Variants in PIWIL2 observed in about 807,000 individuals in gnomAD.
The protein encoded by PIWIL2 is piwi-like protein 2.
Under a neutral mutation model 116.5 loss-of-function variants are expected in PIWIL2, and 81 were observed. That is an observed-to-expected ratio of 0.70 (90% CI 0.58 to 0.84). The LOEUF (loss-of-function observed/expected upper bound fraction) is 0.84, where lower values mean the gene tolerates loss of function less well. Among genes scored for constraint, PIWIL2 ranks in the 40% least tolerant of loss-of-function variants. The probability of loss-of-function intolerance (pLI) is 0.00; values close to 1 mark genes in which losing one functional copy is unlikely to be tolerated. For synonymous variants in PIWIL2, 489 were observed against 429.5 expected, an observed-to-expected ratio of 1.14 and a Z score of -1.71; for missense variants, 1,272 against 1,212.3, an observed-to-expected ratio of 1.05 and a Z score of -0.73.
In PIWIL2 at chr8:22,300,897, A is replaced by G. The variant is rs757396208; in HGVS notation, c.1182-3124A>G. ...AATTCATTACATATAAGAAGTACAGATACTTTATCAGGTGAATGATATGCA... is the reference window on the plus strand; with the variant it reads ...AATTCATTACATATAAGAAGTACAGGTACTTTATCAGGTGAATGATATGCA... On this transcript the variant is annotated intron_variant, in intron 10 of 22. Coordinates refer to ENST00000356766, the MANE Select transcript of PIWIL2 (RefSeq NM_018068.5). Among the ~76,000 whole-genome samples the G allele has an allele frequency of 2.2e-4, 33 of 152,176 alleles. 1 individual carries two copies. Among genetic ancestry groups the G allele is most frequent in the Non-Finnish European group, 4.4e-4 (30 of 68,030 alleles).
At chr8:22,327,414 C>A (rs1394619587) in intron 20 of PIWIL2, among the ~76,000 whole-genome samples, 1 of 147,472 alleles carries the variant, frequency 6.8e-6, no homozygotes, top group Non-Finnish European at 1.5e-5. Flanking sequence ...GTTGCCCAGG[C>A]TGGAGTGCAA....
rs1367270482 is a variant in PIWIL2, at chr8:22,308,011, A to G, written c.1624A>G (p.Asn542Asp). ...LECLLQRIAK[N>D]EAATNELMRW... The stretch of plus-strand genomic sequence containing the variant: ...ATGCTTGCTGCAAAGAATTGCAAAG[A>G]ACGAGGCAGCCACCAATGAACTGAT... Residue 542 changes from asparagine to aspartate, a missense_variant, in exon 14 of 23, where the codon AAC becomes GAC. Physicochemically the swap from Asn to Asp is conservative, Grantham distance 23 (BLOSUM62 1). Transcript: ENST00000356766. The G allele has an allele frequency of 3.1e-6, 5 of 1,613,910 alleles. No individual in the cohort carries two copies. The highest frequency in any genetic ancestry group is 1.3e-5 in the African/African-American group (1 of 74,930).
intron 20 of PIWIL2, chr8:22,321,736 A>G (rs1831604310): frequency 4.3e-6 from 1 of 231,692 alleles, no homozygotes; most frequent in South Asian, 1.6e-4. Context: ...GATTTTGATC[A>G]TGCCTCTCCC....
At chr8:22,285,944 C>T (rs1300364519) in intron 6 of PIWIL2, among the ~76,000 whole-genome samples, 2 of 152,248 alleles carry the variant, frequency 1.3e-5, no homozygotes, top group South Asian at 2.1e-4. Flanking sequence ...CATGCCTGGC[C>T]AGAAACTTCT....
rs760034167 is a variant in PIWIL2, at chr8:22,290,338, G to C, written c.1173G>C (p.Leu391=). The C allele has an allele frequency of 1.3e-6, 2 of 1,590,776 alleles. No homozygotes were observed. Among genetic ancestry groups the C allele is most frequent in the East Asian group, 2.2e-5 (1 of 44,552 alleles). ...AGGTCATTCGGAATGACTGTGTGCT[G>C]GATGTCATGTGAGTGAATGGTGGGG... is the stretch of plus-strand genomic sequence containing the variant. ...SHKVIRNDCV[L]DVMHAIYQQN... is the part of the protein sequence containing the mutation. Residue 391 remains leucine (L), a synonymous_variant, in exon 10 of 23, where the codon CTG becomes CTC. Coordinates refer to ENST00000356766, the MANE Select transcript of PIWIL2 (RefSeq NM_018068.5).
At chr8:22,303,920 A>G in intron 10 of PIWIL2, 101 bp from the exon 11 acceptor site, 2 of 695,498 alleles carry the variant, frequency 2.9e-6, no homozygotes, top group Non-Finnish European at 4.8e-6. Context: ...TTCTGGTGCT[A>G]TATAGCTGTG....
At chr8:22,342,595 C>A (rs1439870216) in intron 20 of PIWIL2, among the ~76,000 whole-genome samples, 1 of 152,164 alleles carries the variant, frequency 6.6e-6, no homozygotes, top group Non-Finnish European at 1.5e-5. Context: ...TATGCATAGA[C>A]CATACACGTT....
rs1022372070 is a variant in PIWIL2 at position 22,355,657 on chromosome 8, A to T, written c.*152A>T. 5 of 704,492 alleles carry T rather than the reference A, an allele frequency of 7.1e-6. No individual in the cohort carries two copies. In the African/African-American group the frequency reaches 8.9e-5, roughly 13 times the overall value. 43.6% of individuals were successfully genotyped at this position (704,492 alleles called of 1,614,324 possible). A position where few individuals can be genotyped will look rare whatever the true frequency, so the allele number is the denominator to read the frequency against. ...GAATAAGATTTCTTTCTTGTCTTTT[A>T]AACCTAATATCACCAAGAAGCAAGT... On this transcript the variant is annotated 3_prime_UTR_variant, in exon 23 of 23. Coordinates refer to ENST00000356766, the MANE Select transcript of PIWIL2 (RefSeq NM_018068.5).
At chr8:22,300,084 G>A (rs1831010327) in intron 10 of PIWIL2, among the ~76,000 whole-genome samples, 1 of 151,822 alleles carries the variant, frequency 6.6e-6, no homozygotes, top group South Asian at 2.1e-4. Context: ...CTGCCACCAC[G>A]CCCAGCTATA....
At chr8:22,302,690 A>G (rs755479922) in intron 10 of PIWIL2, among the ~76,000 whole-genome samples, 4 of 152,208 alleles carry the variant, frequency 2.6e-5, no homozygotes, top group Non-Finnish European at 4.4e-5. Flanking sequence ...CCATGACTCC[A>G]TAAGGCTTCC....
At chr8:22,320,840 C>T (rs1285599197) in intron 20 of PIWIL2, among the ~76,000 whole-genome samples, 6 of 151,462 alleles carry the variant, frequency 4.0e-5, no homozygotes, top group Non-Finnish European at 8.8e-5. Flanking sequence ...TGATCCACCC[C>T]CCTCAGCCTC....
At chr8:22,334,837 A>G (rs1469124996) in intron 20 of PIWIL2, among the ~76,000 whole-genome samples, 4 of 152,122 alleles carry the variant, frequency 2.6e-5, no homozygotes, top group African/African-American at 9.7e-5. Flanking sequence ...CAGGCAGATC[A>G]TGAGGTCAGG....
rs568667337 is a variant in PIWIL2 at position 22,317,643 on chromosome 8, T to A, written c.2298-527T>A. Among the ~76,000 whole-genome samples, 26 of 152,008 alleles carry A rather than the reference T, an allele frequency of 1.7e-4. No individual in the cohort carries two copies. In the South Asian group the frequency reaches 2.1e-3, roughly 12 times the overall value. ...GAAATATCCACAATTACACTTTTTT[T>A]AAATTTTTTATTTATTTATTTATTT... On this transcript the variant is annotated intron_variant, in intron 19 of 22. Coordinates refer to ENST00000356766, the MANE Select transcript of PIWIL2 (RefSeq NM_018068.5).
At chr8:22,298,365 G>A (rs1438889627) in intron 10 of PIWIL2, among the ~76,000 whole-genome samples, 1 of 152,170 alleles carries the variant, frequency 6.6e-6, no homozygotes, top group Non-Finnish European at 1.5e-5. Context: ...ATATGCTGGA[G>A]GCTGTACTTC....
intron 20 of PIWIL2, among the ~76,000 whole-genome samples, chr8:22,351,482 T>TATATATATAA (rs1401638608): frequency 1.2e-4 from 14 of 115,692 alleles, no homozygotes; most frequent in African/African-American, 3.4e-4. Flanking sequence ...TATATATATA[T>TATATATATAA]AATTTATATC....
At chr8:22,297,635 A>T (rs1161315373) in intron 10 of PIWIL2, among the ~76,000 whole-genome samples, 1 of 152,136 alleles carries the variant, frequency 6.6e-6, no homozygotes, top group African/African-American at 2.4e-5. Context: ...TGCAGTGGGG[A>T]TTTACAGTAT....
chr8:22,285,358 A>G (rs938513087), intron 6 of PIWIL2, among the ~76,000 whole-genome samples: 16 of 152,274 alleles, frequency 1.1e-4, no homozygotes, highest in South Asian at 6.2e-4. Flanking sequence ...TTCACTTACC[A>G]TAATACTCTC....
chr8:22,315,316 TTTG>T (rs1264505055), intron 18 of PIWIL2, among the ~76,000 whole-genome samples, 171 bp downstream of exon 18: 1 of 152,232 alleles, frequency 6.6e-6, no homozygotes, highest in African/African-American at 2.4e-5. Flanking sequence ...TTGTTTGTTT[TTTG>T]TTTTTTGTGT....
intron 20 of PIWIL2, among the ~76,000 whole-genome samples, chr8:22,343,423 G>A (rs1378985417): frequency 2.0e-5 from 3 of 150,316 alleles, no homozygotes; most frequent in African/African-American, 7.4e-5. Flanking sequence ...CAGCAAGAGC[G>A]AAACTCCATC....
Sources: allele counts gnomAD v4.1 joint callset (sites outside exome capture counted in the v4.1 genomes callset), GRCh38; gene constraint gnomAD v4.1.1; transcripts MANE v1.5; gene names NCBI Gene and HGNC (gene_info 2026-07-23, HGNC 2026-07-21).